MRPL48: variants seen among roughly 807,000 people sequenced by gnomAD.
MRPL48 encodes mitochondrial ribosomal protein L48, also known as large ribosomal subunit protein mL48.
In MRPL48, 16 loss-of-function variants were observed where a neutral mutation model predicts 32.9. That is an observed-to-expected ratio of 0.49 (90% CI 0.33 to 0.74). MRPL48 has a LOEUF of 0.74. Among genes scored for constraint, MRPL48 ranks in the 30% least tolerant of loss-of-function variants. MRPL48 has a pLI of 0.02. For missense variants in MRPL48, 206 were observed against 245.3 expected (o/e 0.84, Z 1.07); for synonymous variants, 94 against 89.2 (o/e 1.05, Z -0.31).
intron 3 of MRPL48, among the ~76,000 whole-genome samples, chr11:73,821,168 T>C (rs1947773581): frequency 6.6e-6 from 1 of 152,038 alleles, no homozygotes; most frequent in African/African-American, 2.4e-5. Flanking sequence ...ATTTTTTTTT[T>C]CCTTTTTATA....
chr11:73,851,461 A>C (rs1948388555), intron 5 of MRPL48, among the ~76,000 whole-genome samples: 1 of 152,216 alleles, frequency 6.6e-6, no homozygotes, highest in Non-Finnish European at 1.5e-5. Context: ...AGGAGATTTG[A>C]TAATAAGCTG....
At chr11:73,788,236 A>T (rs1259767922) in intron 1 of MRPL48, among the ~76,000 whole-genome samples, 1 of 151,584 alleles carries the variant, frequency 6.6e-6, no homozygotes, top group Non-Finnish European at 1.5e-5. Context: ...ACCACATGCC[A>T]CTCTCTCCAC....
At chr11:73,860,274 G>C (rs894620733) in intron 6 of MRPL48, 18 of 268,924 alleles carry the variant, frequency 6.7e-5, no homozygotes, top group African/African-American at 3.8e-4. Flanking sequence ...GCTGAGGCTT[G>C]AAACTTGATA....
chr11:73,831,713 G>A (rs1007795800), intron 4 of MRPL48, among the ~76,000 whole-genome samples: 5 of 152,060 alleles, frequency 3.3e-5, no homozygotes, highest in Non-Finnish European at 7.4e-5. Context: ...GGCCGAGGGG[G>A]GAGGATCACC....
intron 1 of MRPL48, chr11:73,802,180 G>T (rs1481867446): frequency 6.6e-6 from 1 of 152,206 alleles, no homozygotes; most frequent in East Asian, 1.9e-4. Context: ...CCTGCCAGGT[G>T]TGCTTGTTGT....
chr11:73,797,807 A>C (rs1947285391), intron 1 of MRPL48, among the ~76,000 whole-genome samples: 1 of 152,306 alleles, frequency 6.6e-6, no homozygotes, highest in East Asian at 1.9e-4. Flanking sequence ...CCAGAGCAAA[A>C]TTCGGGCAAA....
At position 73,798,955 on chromosome 11, in the gene MRPL48, C is replaced by A. The variant is rs73539645; in HGVS notation, c.22-6072C>A. Among the ~76,000 whole-genome samples, 561 of 149,116 alleles carry A rather than the reference C, an allele frequency of 3.8e-3. 3 individuals carry two copies. The highest frequency in any genetic ancestry group is 0.013 in the African/African-American group (532 of 40,202). On this transcript the variant is annotated intron_variant, in intron 1 of 7. Coordinates refer to ENST00000310614, the MANE Select transcript of MRPL48 (RefSeq NM_016055.6). ...GTAGTGAGCTGAGATCGCACCATTG[C>A]ACTCTAGCCCTAGCAACAGTGCAAG... is the stretch of plus-strand genomic sequence containing the variant.
At chr11:73,813,170 C>T (rs1947599638) in intron 3 of MRPL48, among the ~76,000 whole-genome samples, 1 of 151,120 alleles carries the variant, frequency 6.6e-6, no homozygotes, top group Admixed American at 6.6e-5. Flanking sequence ...AATGAATTGC[C>T]TATTTATTTA....
chr11:73,851,186 C>A, intron 5 of MRPL48: 2 of 436,490 alleles, frequency 4.6e-6, no homozygotes, highest in South Asian at 1.7e-5. Context: ...TCCCAGTTCA[C>A]ACCGCCACTG....
intron 3 of MRPL48, among the ~76,000 whole-genome samples, chr11:73,819,356 C>A (rs1385225567): frequency 6.6e-6 from 1 of 152,148 alleles, no homozygotes; most frequent in Non-Finnish European, 1.5e-5. Context: ...TCGCAAAGAT[C>A]CTTTTTGGTT....
intron 3 of MRPL48, among the ~76,000 whole-genome samples, chr11:73,812,681 C>G (rs1443328680): frequency 6.7e-6 from 1 of 150,158 alleles, no homozygotes; most frequent in East Asian, 1.9e-4. Flanking sequence ...AGATGCCATA[C>G]TCTAGCCTGG....
chr11:73,795,800 C>T (rs1453030325), intron 1 of MRPL48, among the ~76,000 whole-genome samples: 2 of 152,242 alleles, frequency 1.3e-5, no homozygotes, highest in African/African-American at 4.8e-5. Flanking sequence ...GCCACTGCAC[C>T]CGGCTTATTC....
rs912426688 is a variant in MRPL48, at chr11:73,864,581, A to G, written c.*211A>G. The stretch of plus-strand genomic sequence containing the variant: ...AGGTAATGCTTGTTATCTTCCATCT[A>G]ATAAAAATCTGCTGCAGATGTGTAT... On this transcript the variant is annotated 3_prime_UTR_variant, in exon 8 of 8. Coordinates refer to ENST00000310614, the MANE Select transcript of MRPL48 (RefSeq NM_016055.6). 1 of 583,110 alleles carries G rather than the reference A, an allele frequency of 1.7e-6. No individual in the cohort carries two copies. Among genetic ancestry groups the G allele is most frequent in the Non-Finnish European group, 3.1e-6 (1 of 326,256 alleles). The allele number at this position is 583,110 out of a possible 1,614,324, so 36.1% of individuals were successfully genotyped here. A position where few individuals can be genotyped will look rare whatever the true frequency, so the allele number is the denominator to read the frequency against.
chr11:73,805,283 T>C (rs1029289661), intron 2 of MRPL48, among the ~76,000 whole-genome samples: 2 of 145,920 alleles, frequency 1.4e-5, no homozygotes, highest in Admixed American at 1.4e-4. Context: ...AGTTAATCTT[T>C]GATGCTGTTC....
chr11:73,827,211 C>T (rs1418270243), intron 4 of MRPL48, among the ~76,000 whole-genome samples: 1 of 151,938 alleles, frequency 6.6e-6, no homozygotes, highest in African/African-American at 2.4e-5. Flanking sequence ...GGCAGGAACC[C>T]CGTCTCTACT....
At chr11:73,788,568 G>GCCTCAGCCTCCTCA (rs1352908537) in intron 1 of MRPL48, among the ~76,000 whole-genome samples, 7 of 150,016 alleles carry the variant, frequency 4.7e-5, no homozygotes, top group Non-Finnish European at 8.9e-5. Context: ...TCGCCTTCCG[G>GCCTCAGCCTCCTCA]GTTCAAGCGA....
intron 3 of MRPL48, among the ~76,000 whole-genome samples, chr11:73,820,479 C>T (rs991253599): frequency 6.6e-6 from 1 of 152,170 alleles, no homozygotes; most frequent in Non-Finnish European, 1.5e-5. Context: ...CCGCCCCAGC[C>T]TCCCAAAATG....
chr11:73,856,475 C>A (rs11235931), intron 5 of MRPL48, among the ~76,000 whole-genome samples: 12,995 of 151,372 alleles, frequency 0.086, 666 homozygotes, highest in South Asian at 0.26. Flanking sequence ...AAAGAAGAGG[C>A]CTCTCATGTG....
At chr11:73,862,040 C>A (rs533641193) in intron 6 of MRPL48, among the ~76,000 whole-genome samples, 78 of 152,300 alleles carry the variant, frequency 5.1e-4, no homozygotes, top group African/African-American at 1.9e-3. Flanking sequence ...GTAATCCCAG[C>A]ACTTTGGGAG....
Sources: gnomAD v4.1 joint callset for allele counts (sites outside exome capture counted in the v4.1 genomes callset) on GRCh38, gnomAD v4.1.1 for gene constraint, MANE v1.5 for transcripts, NCBI Gene and HGNC (gene_info 2026-07-23, HGNC 2026-07-21) for gene names.